ANO2: variants seen among roughly 807,000 people sequenced by gnomAD.
ANO2 encodes the protein anoctamin 2.
Under a neutral mutation model 124.2 loss-of-function variants are expected in ANO2, and 101 were observed. The observed-to-expected ratio is 0.81, with a 90% CI of 0.69 to 0.96. The LOEUF is 0.96. ANO2 is among the 40% of genes least tolerant of loss of function. The probability of loss-of-function intolerance (pLI) is 0.00; values close to 1 mark genes in which losing one functional copy is unlikely to be tolerated. For missense variants in ANO2, 1,293 were observed against 1,274.5 expected (o/e 1.01, Z -0.22); for synonymous variants, 486 against 482.5 (o/e 1.01, Z -0.09).
chr12:5,717,186 T>C (rs1042400723), intron 14 of ANO2, among the ~76,000 whole-genome samples: 1 of 152,236 alleles, frequency 6.6e-6, no homozygotes, highest in Non-Finnish European at 1.5e-5. Context: ...ATGTGGGAAC[T>C]GTGCAGAAGC....
intron 1 of ANO2, among the ~76,000 whole-genome samples, chr12:5,933,905 TG>T (rs1942539912): frequency 6.6e-6 from 1 of 152,196 alleles, no homozygotes. Context: ...AGTTCAGATT[TG>T]CCTTTTTTAT....
chr12:5,844,947 C>T (rs1007526437), intron 4 of ANO2, among the ~76,000 whole-genome samples: 1 of 126,714 alleles, frequency 7.9e-6, no homozygotes. Flanking sequence ...TTTGTTCAAC[C>T]ATGAAATTTT....
chr12:5,709,878 G>A lies in ANO2; in HGVS notation c.1545+22642C>T, dbSNP rs531325175. Among the ~76,000 whole-genome samples the A allele has an allele frequency of 4.6e-5, 7 of 152,310 alleles. No homozygotes were observed. In the South Asian group the frequency reaches 1.5e-3, roughly 32 times the overall value. ...CTGCAAGAGGAAACGGATAGGCGCT[G>A]GGAGATGGCCCAGGGATCCAGGACA... On this transcript the variant is annotated intron_variant, in intron 14 of 24. Transcript: ENST00000682330.
rs1378576629 is a variant in ANO2 at position 5,740,110 on chromosome 12, AC to A, written c.1352-712del. 5.2e-5 allele frequency: 21 copies of A among 400,130 alleles called. No individual in the cohort carries two copies. In the Admixed American group the frequency reaches 5.7e-4, roughly 11 times the overall value. 24.8% of individuals were successfully genotyped at this position (400,130 alleles called of 1,614,324 possible). A position where few individuals can be genotyped will look rare whatever the true frequency, so the allele number is the denominator to read the frequency against. ...CCTTTCTCAGCATGCTCTAGGAAGAACCTGATACCCCCACGAGCACAACCCT... is the reference window on the plus strand; with the variant it reads ...CCTTTCTCAGCATGCTCTAGGAAGAACTGATACCCCCACGAGCACAACCCT... On this transcript the variant is annotated intron_variant, in intron 12 of 24. Transcript: ENST00000682330.
Position 5,612,917 on chromosome 12 carries a change from C to G in ANO2, c.1970G>C (p.Gly657Ala). ...TGTACTTGCCTCTTCCATGCGGTAA[C>G]CATCGAATACATAGACGTAGCTTCC... ...RPGSYVYVFD[G>A]YRMEECAPGG... Residue 657 changes from glycine (G) to alanine (A), a missense_variant, in exon 18 of 25, where the codon GGT (glycine) becomes GCT (alanine). Coordinates refer to ENST00000682330, the MANE Select transcript of ANO2 (RefSeq NM_001364791.2). The G allele has an allele frequency of 1.2e-6, 2 of 1,613,950 alleles. No homozygotes were observed. Among genetic ancestry groups the G allele is most frequent in the Non-Finnish European group, 1.7e-6 (2 of 1,179,876 alleles).
At chr12:5,742,326 G>C (rs1951121960) in intron 12 of ANO2, among the ~76,000 whole-genome samples, 1 of 152,184 alleles carries the variant, frequency 6.6e-6, no homozygotes, top group African/African-American at 2.4e-5. Context: ...AAGGCTCTTG[G>C]CTGCTGTAAC....
intron 10 of ANO2, among the ~76,000 whole-genome samples, chr12:5,751,486 G>A (rs528389010): frequency 6.6e-6 from 1 of 152,218 alleles, no homozygotes; most frequent in Admixed American, 6.5e-5. Flanking sequence ...TATTAGTAAT[G>A]GTTTCTTTGG....
At chr12:5,613,879 G>A (rs769379459) in intron 17 of ANO2, among the ~76,000 whole-genome samples, 7 of 152,100 alleles carry the variant, frequency 4.6e-5, no homozygotes, top group Non-Finnish European at 8.8e-5. Flanking sequence ...CTACTGCCAC[G>A]AAATCGACAT....
intron 3 of ANO2, among the ~76,000 whole-genome samples, chr12:5,889,769 C>G (rs1489994595): frequency 1.3e-5 from 2 of 152,274 alleles, no homozygotes; most frequent in Non-Finnish European, 2.9e-5. Context: ...CAGTGCCTGA[C>G]TGAGAAGTCA....
rs6489680 is a variant in ANO2 at position 5,945,229 on chromosome 12, A to G, written c.-12T>C. 0.94 allele frequency: 1,206,068 copies of G among 1,286,156 alleles called. 568,909 individuals are homozygous for G. Among genetic ancestry groups the G allele is most frequent in the Non-Finnish European group, 0.96 (951,473 of 986,954 alleles). 79.7% of individuals were successfully genotyped at this position (1,286,156 alleles called of 1,614,324 possible). Reference sequence around the variant, plus strand: ...CCGGGAGTCGCCATGATGTGGACGCAGACCCCGCCGGCCCGCGGCCGCGCG... The same window carrying G: ...CCGGGAGTCGCCATGATGTGGACGCGGACCCCGCCGGCCCGCGGCCGCGCG... On this transcript the variant is annotated 5_prime_UTR_variant, in exon 1 of 25. Coordinates refer to ENST00000682330, the MANE Select transcript of ANO2 (RefSeq NM_001364791.2).
At chr12:5,924,296 G>A (rs1481340861) in intron 1 of ANO2, among the ~76,000 whole-genome samples, 1 of 152,206 alleles carries the variant, frequency 6.6e-6, no homozygotes, top group Admixed American at 6.5e-5. Flanking sequence ...TCTTTATGAA[G>A]ACAGAGCTGA....
At chr12:5,796,869 T>C (rs1292543872) in intron 10 of ANO2, among the ~76,000 whole-genome samples, 1 of 152,200 alleles carries the variant, frequency 6.6e-6, no homozygotes, top group East Asian at 1.9e-4. Flanking sequence ...ACAGGTCTCC[T>C]GCCCCATGAG....
intron 4 of ANO2, among the ~76,000 whole-genome samples, chr12:5,837,050 G>A (rs1479882640): frequency 2.0e-5 from 3 of 152,202 alleles, no homozygotes; most frequent in African/African-American, 7.2e-5. Flanking sequence ...CACTGGAGGA[G>A]CCCAGACTGG....
At chr12:5,879,302 G>T (rs1417483109) in intron 3 of ANO2, among the ~76,000 whole-genome samples, 1 of 152,194 alleles carries the variant, frequency 6.6e-6, no homozygotes, top group Non-Finnish European at 1.5e-5. Context: ...GCCAATTTCA[G>T]AAGCCCTTCA....
intron 14 of ANO2, among the ~76,000 whole-genome samples, chr12:5,692,649 T>C (rs1221348418): frequency 2.0e-5 from 3 of 152,238 alleles, no homozygotes; most frequent in East Asian, 1.9e-4. Context: ...TGGGCTGCCA[T>C]GTACCTGCCA....
intron 14 of ANO2, among the ~76,000 whole-genome samples, chr12:5,692,149 C>T (rs1282001002): frequency 1.3e-5 from 2 of 152,152 alleles, no homozygotes; most frequent in African/African-American, 4.8e-5. Flanking sequence ...TGCAATACCC[C>T]TGGCAAGAAC....
chr12:5,758,072 T>C (rs1420933360), intron 10 of ANO2, among the ~76,000 whole-genome samples: 5 of 152,154 alleles, frequency 3.3e-5, no homozygotes, highest in African/African-American at 1.2e-4. Context: ...TCTTCTCTTA[T>C]TCAAATCGAA....
chr12:5,927,054 G>A (rs778661591), intron 1 of ANO2, among the ~76,000 whole-genome samples: 3 of 152,034 alleles, frequency 2.0e-5, no homozygotes, highest in East Asian at 1.9e-4. Context: ...TCCTTCATCC[G>A]TCTCTTCTCC....
intron 3 of ANO2, among the ~76,000 whole-genome samples, chr12:5,878,038 G>C (rs945804113): frequency 6.6e-6 from 1 of 152,236 alleles, no homozygotes; most frequent in African/African-American, 2.4e-5. Flanking sequence ...GCAGCACTAA[G>C]AGTCATGTCT....
Sources: gnomAD v4.1 joint callset for allele counts (sites outside exome capture counted in the v4.1 genomes callset) on GRCh38, gnomAD v4.1.1 for gene constraint, MANE v1.5 for transcripts, NCBI Gene and HGNC (gene_info 2026-07-23, HGNC 2026-07-21) for gene names.